The following AP1B1 variants were observed in gnomAD, a reference collection of about 807,000 sequenced individuals.
AP1B1 encodes adaptor related protein complex 1 subunit beta 1.
Under a neutral mutation model 104.3 loss-of-function variants are expected in AP1B1, and 36 were observed. That is an observed-to-expected ratio of 0.35 (90% confidence interval 0.26 to 0.46). AP1B1 has a LOEUF of 0.46. Ranked by LOEUF, AP1B1 falls within the 20% of genes least tolerant of loss-of-function variation. The probability of loss-of-function intolerance (pLI) is 1.00; values close to 1 mark genes in which losing one functional copy is unlikely to be tolerated. For missense variants in AP1B1, 901 were observed against 1,247.9 expected, an observed-to-expected ratio of 0.72 and a Z score of 4.19; for synonymous variants, 504 against 517.5, an observed-to-expected ratio of 0.97 and a Z score of 0.35.
In AP1B1 at chr22:29,361,843, G is replaced by GGAGT. The variant is rs200108436; in HGVS notation, c.143+1154_143+1157dup. On this transcript the variant is annotated intron_variant, in intron 3 of 22. Transcript: ENST00000357586. Reference sequence around the variant, plus strand: ...GGAGTCTTGCTCTGTTGCCCAGGCTGGAGTGCAGTGGCGTGATCTTGGCTC... The same window carrying GGAGT: ...GGAGTCTTGCTCTGTTGCCCAGGCTGGAGTGAGTGCAGTGGCGTGATCTTGGCTC... 6.6e-4 allele frequency among the ~76,000 whole-genome samples: 100 copies of GGAGT among 151,882 alleles called. No homozygotes were observed. The East Asian group carries it at 0.018, about 27-fold the overall frequency.
chr22:29,375,261 A>G (rs1446828145), intron 1 of AP1B1, among the ~76,000 whole-genome samples: 1 of 147,536 alleles, frequency 6.8e-6, no homozygotes, highest in Non-Finnish European at 1.5e-5. Flanking sequence ...GAGGCAGGAG[A>G]ATCGCTTGAA....
chr22:29,350,008 C>T (rs780754841), intron 10 of AP1B1, 27 bp downstream of exon 10: 3 of 1,575,686 alleles, frequency 1.9e-6, no homozygotes, highest in Non-Finnish European at 1.7e-6. Context: ...AGCTAGATGC[C>T]CTCTCCCTAG....
chr22:29,383,143 G>A (rs562994501), intron 1 of AP1B1, among the ~76,000 whole-genome samples: 10 of 152,242 alleles, frequency 6.6e-5, no homozygotes, highest in African/African-American at 9.6e-5. Context: ...AGCAGGCCTC[G>A]ATAAATACTG....
At chr22:29,351,117 C>T (rs923670662) in intron 9 of AP1B1, 54 bp downstream of exon 9, 9 of 1,530,154 alleles carry the variant, frequency 5.9e-6, no homozygotes, top group East Asian at 2.3e-5. Flanking sequence ...ACTGGTTTCC[C>T]GGTTTCAGCC....
At chr22:29,353,917 C>G (rs2061915022) in intron 7 of AP1B1, among the ~76,000 whole-genome samples, 1 of 152,238 alleles carries the variant, frequency 6.6e-6, no homozygotes, top group Non-Finnish European at 1.5e-5. Flanking sequence ...CTCCCCAGAG[C>G]TGCAGGGCTC....
chr22:29,332,486 G>A (rs1374682823), intron 17 of AP1B1, among the ~76,000 whole-genome samples: 1 of 152,246 alleles, frequency 6.6e-6, no homozygotes, highest in African/African-American at 2.4e-5. Context: ...ATCCTCATGG[G>A]TGTGAGACAC....
In AP1B1 at chr22:29,331,332, C is replaced by T. The variant is rs553002100; in HGVS notation, c.2524+117G>A. The T allele has an allele frequency of 9.6e-6, 10 of 1,038,692 alleles. No individual in the cohort carries two copies. The Admixed American group carries it at 1.8e-4, about 18-fold the overall frequency. 64.3% of individuals were successfully genotyped at this position (1,038,692 alleles called of 1,614,324 possible). On this transcript the variant is annotated intron_variant, in intron 19 of 22. Coordinates refer to ENST00000357586, the MANE Select transcript of AP1B1 (RefSeq NM_001127.4). ...GGCCCTGCAGGGAAGCAGCAACTCC[C>T]CGACTCCATTTACGGGCAAGGCAGT...
Position 29,349,402 on chromosome 22 carries a change from G to T in AP1B1, c.1272-19C>A. On this transcript the variant is annotated intron_variant, in intron 10 of 22. Coordinates refer to ENST00000357586, the MANE Select transcript of AP1B1 (RefSeq NM_001127.4). ...CTCATACCTGGGAGACCAGGGCACA[G>T]TTGGTATGGGAGCCCTCAAGGAGAA... is the stretch of plus-strand genomic sequence containing the variant. 6.2e-7 allele frequency: 1 copy of T among 1,612,290 alleles called. No homozygotes were observed. The highest frequency in any genetic ancestry group is 8.5e-7 in the Non-Finnish European group (1 of 1,179,340).
Position 29,354,971 on chromosome 22 carries a change from C to G in AP1B1, c.717-100G>C. The G allele has an allele frequency of 2.8e-6, 3 of 1,081,200 alleles. No homozygotes were observed. In the Admixed American group the frequency reaches 6.5e-5, roughly 23 times the overall value. 67.0% of individuals were successfully genotyped at this position (1,081,200 alleles called of 1,614,324 possible). A position where few individuals can be genotyped will look rare whatever the true frequency, so the allele number is the denominator to read the frequency against. ...CATGTCCAGGCCAGGCGTGATAGTTCACGCCTGTAATCCCAGCACTTTGGG... is the reference window on the plus strand; with the variant it reads ...CATGTCCAGGCCAGGCGTGATAGTTGACGCCTGTAATCCCAGCACTTTGGG... On this transcript the variant is annotated intron_variant, in intron 6 of 22. Coordinates refer to ENST00000357586, the MANE Select transcript of AP1B1 (RefSeq NM_001127.4).
chr22:29,349,930 TG>T, intron 10 of AP1B1, 104 bp downstream of exon 10: 1 of 907,830 alleles, frequency 1.1e-6, no homozygotes. Flanking sequence ...ATGACGCTTG[TG>T]GCCAAGAAGT....
rs761344390 is a variant in AP1B1 at position 29,351,338 on chromosome 22, G to A, written c.1060-72C>T. On this transcript the variant is annotated intron_variant, in intron 8 of 22. Transcript: ENST00000357586. ...ATCTGCTGGAACACTCCTGGGCAGT[G>A]AATATACACAGACTCCCTAGGAGAA... 11 of 1,477,468 alleles carry A rather than the reference G, an allele frequency of 7.4e-6. No homozygotes were observed. In the East Asian group the frequency reaches 2.5e-4, roughly 33 times the overall value. The allele number at this position is 1,477,468 out of a possible 1,614,324, so 91.5% of individuals were successfully genotyped here.
intron 13 of AP1B1, among the ~76,000 whole-genome samples, chr22:29,341,093 C>G (rs1029901471): frequency 2.0e-5 from 3 of 152,224 alleles, no homozygotes; most frequent in Non-Finnish European, 2.9e-5. Context: ...TAGCCCTCAG[C>G]CCATGCTAAG....
rs2061540735 is a variant in AP1B1, at chr22:29,330,501, G to GTTGCTGCTCTGCAGC, written c.2628_2642dup (p.Lys876_Ser880dup). The GTTGCTGCTCTGCAGC allele has an allele frequency of 6.2e-7, 1 of 1,612,346 alleles. No individual in the cohort carries two copies. On this transcript the variant is annotated inframe_insertion, in exon 21 of 23. Coordinates refer to ENST00000357586, the MANE Select transcript of AP1B1 (RefSeq NM_001127.4). The stretch of plus-strand genomic sequence containing the variant: ...CGTTCCTCTTGGCGACAGTGAAGAT[G>GTTGCTGCTCTGCAGC]TTGCTGCTCTGCAGCTTGCTGCTCG...
At chr22:29,341,413 G>T in intron 13 of AP1B1, 88 bp downstream of exon 13, 1 of 1,511,484 alleles carries the variant, frequency 6.6e-7, no homozygotes, top group Non-Finnish European at 9.0e-7. Flanking sequence ...GTCTTGCTGG[G>T]GGACAACACG....
chr22:29,366,674 A>G (rs1201299112), intron 2 of AP1B1, among the ~76,000 whole-genome samples: 2 of 151,826 alleles, frequency 1.3e-5, no homozygotes, highest in Non-Finnish European at 2.9e-5. Flanking sequence ...CGGCGGGCGC[A>G]TGTAATCCCA....
At chr22:29,342,468 G>T in intron 11 of AP1B1, 85 bp from the exon 12 acceptor site, 1 of 1,124,056 alleles carries the variant, frequency 8.9e-7, no homozygotes, top group Non-Finnish European at 1.3e-6. Flanking sequence ...GAGGAATAGG[G>T]TGTTCAAAGT....
intron 1 of AP1B1, among the ~76,000 whole-genome samples, chr22:29,371,410 A>C (rs757420146): frequency 2.6e-5 from 4 of 152,184 alleles, no homozygotes; most frequent in African/African-American, 4.8e-5. Flanking sequence ...TCTCTGATGA[A>C]TCTGATCGGG....
rs766521901 is a variant in AP1B1, at chr22:29,354,739, C to T, written c.849G>A (p.Lys283=). ...DLDYYGTLLK[K]LAPPLVTLLS... ...GCAGTGTGACCAGGGGTGGGGCCAG[C>T]TTCTTGAGCAGTGTGCCGTAGTAGT... The change falls in exon 7 of 23, where the codon AAG becomes AAA. Residue 283 remains lysine, a synonymous_variant. Coordinates refer to ENST00000357586, the MANE Select transcript of AP1B1 (RefSeq NM_001127.4). 1.9e-6 allele frequency: 3 copies of T among 1,613,960 alleles called. No individual in the cohort carries two copies. Among genetic ancestry groups the T allele is most frequent in the African/African-American group, 1.3e-5 (1 of 74,878 alleles).
At chr22:29,331,169 C>T (rs1260697709) in intron 19 of AP1B1, among the ~76,000 whole-genome samples, 5 of 152,146 alleles carry the variant, frequency 3.3e-5, no homozygotes, top group Non-Finnish European at 7.4e-5. Context: ...GACCTGGGCT[C>T]GCTGCAGCCC....
Sources: gnomAD v4.1 joint callset for allele counts (sites outside exome capture counted in the v4.1 genomes callset) on GRCh38, gnomAD v4.1.1 for gene constraint, MANE v1.5 for transcripts, NCBI Gene and HGNC (gene_info 2026-07-23, HGNC 2026-07-21) for gene names.